The following HDAC9 variants were observed in gnomAD, a reference collection of about 807,000 sequenced individuals.
HDAC9 encodes the protein MEF-2 interacting transcription repressor (MITR) protein.
Under a neutral mutation model 139.4 loss-of-function variants are expected in HDAC9, and 41 were observed. The ratio of observed to expected loss-of-function variants is 0.29; its 90% CI spans 0.23 to 0.38. The LOEUF (loss-of-function observed/expected upper bound fraction) is 0.38. HDAC9 is among the 10% of genes least tolerant of loss of function. The pLI is 1.00. For synonymous variants in HDAC9, 517 were observed against 476.2 expected (o/e 1.09, Z -1.12); for missense variants, 1,147 against 1,297.0 (o/e 0.88, Z 1.78).
At chr7:18,807,793 G>C (rs769023177) in intron 17 of HDAC9, among the ~76,000 whole-genome samples, 8 of 152,094 alleles carry the variant, frequency 5.3e-5, no homozygotes, top group Non-Finnish European at 8.8e-5. Flanking sequence ...AAGATACTTG[G>C]TGTGATTTCA....
At chr7:18,792,597 T>G (rs1792420875) in intron 16 of HDAC9, among the ~76,000 whole-genome samples, 1 of 152,216 alleles carries the variant, frequency 6.6e-6, no homozygotes, top group African/African-American at 2.4e-5. Context: ...ATGCTTTGTT[T>G]TGATAATAAT....
intron 11 of HDAC9, among the ~76,000 whole-genome samples, chr7:18,665,289 A>G (rs1794520437): frequency 6.6e-6 from 1 of 152,148 alleles, no homozygotes; most frequent in South Asian, 2.1e-4. Context: ...ACACAGTTCA[A>G]GGTCTGCAGA....
At chr7:18,462,988 G>C (rs1301019898) in intron 1 of HDAC9, among the ~76,000 whole-genome samples, 1 of 151,984 alleles carries the variant, frequency 6.6e-6, no homozygotes, top group Non-Finnish European at 1.5e-5. Flanking sequence ...GGTACTGTAT[G>C]AGAGTGCTGG....
intron 1 of HDAC9, among the ~76,000 whole-genome samples, chr7:18,313,429 A>G (rs143395311): frequency 4.2e-4 from 64 of 152,314 alleles, no homozygotes; most frequent in African/African-American, 1.4e-3. Context: ...TTTTCCTGTC[A>G]GGAGATTTAT....
At chr7:18,538,396 A>G (rs769186488) in intron 2 of HDAC9, among the ~76,000 whole-genome samples, 1 of 152,238 alleles carries the variant, frequency 6.6e-6, no homozygotes, top group Non-Finnish European at 1.5e-5. Flanking sequence ...AGAAACCGTG[A>G]CAGGAATTTA....
chr7:18,732,896 C>CACGTGTGCGTATGTGTAT lies in HDAC9; in HGVS notation c.1909+5141_1909+5142insGTGTGCGTATGTGTATAC, dbSNP rs1562893408. Among the ~76,000 whole-genome samples the CACGTGTGCGTATGTGTAT allele has an allele frequency of 2.6e-3, 228 of 87,398 alleles. 23 individuals are homozygous for CACGTGTGCGTATGTGTAT. Among genetic ancestry groups the CACGTGTGCGTATGTGTAT allele is most frequent in the East Asian group, 4.8e-3 (9 of 1,878 alleles). 57.3% of individuals were successfully genotyped at this position (87,398 alleles called of 152,430 possible). On this transcript the variant is annotated intron_variant, in intron 13 of 25. Coordinates refer to ENST00000686413, the MANE Select transcript of HDAC9 (RefSeq NM_178425.4). ...ACACACACGTGTGCGTATGTGTACA[C>CACGTGTGCGTATGTGTAT]ACACACGTGTGCGTATGTGTATACA... is the stretch of plus-strand genomic sequence containing the variant.
intron 1 of HDAC9, among the ~76,000 whole-genome samples, chr7:18,130,226 C>T (rs1256968773): frequency 1.3e-5 from 2 of 152,076 alleles, no homozygotes; most frequent in Non-Finnish European, 2.9e-5. Context: ...GTGCTCAAAA[C>T]GTTTCAGATT....
intron 2 of HDAC9, among the ~76,000 whole-genome samples, chr7:18,223,496 G>A (rs1014298129): frequency 4.0e-5 from 6 of 151,676 alleles, no homozygotes; most frequent in African/African-American, 1.5e-4. Flanking sequence ...TTTATAGATG[G>A]TGGGTAATCA....
chr7:18,852,808 A>G (rs1314618529), intron 21 of HDAC9, among the ~76,000 whole-genome samples: 1 of 152,084 alleles, frequency 6.6e-6, no homozygotes, highest in African/African-American at 2.4e-5. Context: ...TACATTTTTC[A>G]TCTGAGGGCA....
intron 21 of HDAC9, among the ~76,000 whole-genome samples, chr7:18,873,958 C>G (rs1034839572): frequency 1.3e-5 from 2 of 151,670 alleles, no homozygotes; most frequent in African/African-American, 4.8e-5. Flanking sequence ...TTGTGTTTCT[C>G]CTTTGCAAGA....
At chr7:18,246,507 C>T (rs570093644) in intron 2 of HDAC9, among the ~76,000 whole-genome samples, 35 of 152,062 alleles carry the variant, frequency 2.3e-4, no homozygotes, top group African/African-American at 8.0e-4. Context: ...TAAATAGTCA[C>T]CCCCCCATTC....
chr7:18,824,134 C>T (rs530478285), intron 17 of HDAC9, among the ~76,000 whole-genome samples: 183 of 145,590 alleles, frequency 1.3e-3, no homozygotes, highest in Non-Finnish European at 2.4e-3. Flanking sequence ...CACCAGAGCC[C>T]GCTTTGTGAG....
chr7:18,993,646 T>C (rs1298983925), intron 25 of HDAC9, among the ~76,000 whole-genome samples: 1 of 151,910 alleles, frequency 6.6e-6, no homozygotes, highest in African/African-American at 2.4e-5. Context: ...TAATTATTTT[T>C]TTTTTAATTA....
chr7:18,577,481 G>A (rs1444008490), intron 2 of HDAC9, among the ~76,000 whole-genome samples: 1 of 152,066 alleles, frequency 6.6e-6, no homozygotes, highest in Non-Finnish European at 1.5e-5. Flanking sequence ...AAATTTCTCT[G>A]TAACAAATAA....
intron 1 of HDAC9, among the ~76,000 whole-genome samples, chr7:18,109,323 G>A (rs1783448303): frequency 6.6e-6 from 1 of 152,196 alleles, no homozygotes; most frequent in South Asian, 2.1e-4. Flanking sequence ...TATCTTGTAA[G>A]GATAAATGAG....
upstream of HDAC9, among the ~76,000 whole-genome samples, chr7:18,285,595 G>A (rs1424381951): frequency 1.3e-5 from 2 of 151,898 alleles, no homozygotes; most frequent in Non-Finnish European, 2.9e-5. Flanking sequence ...TACCAGCAGT[G>A]TTTTTCACAT....
At chr7:18,663,084 G>C (rs1793715339) in intron 11 of HDAC9, among the ~76,000 whole-genome samples, 1 of 152,096 alleles carries the variant, frequency 6.6e-6, no homozygotes, top group Non-Finnish European at 1.5e-5. Context: ...ACAATATGTA[G>C]TGAGAATGTG....
chr7:18,683,609 T>C (rs73313346), intron 12 of HDAC9, among the ~76,000 whole-genome samples: 6,239 of 152,220 alleles, frequency 0.041, 256 homozygotes, highest in African/African-American at 0.11. Context: ...ATAATTGTAA[T>C]AGTTTATTTT....
intron 2 of HDAC9, among the ~76,000 whole-genome samples, chr7:18,197,557 A>T (rs28625437): frequency 7.6e-4 from 115 of 152,060 alleles, no homozygotes; most frequent in African/African-American, 2.6e-3. Context: ...GACAGAACAG[A>T]GTTCACAGGT....
Sources: gnomAD v4.1 joint callset for allele counts (sites outside exome capture counted in the v4.1 genomes callset) on GRCh38, gnomAD v4.1.1 for gene constraint, MANE v1.5 for transcripts, NCBI Gene and HGNC (gene_info 2026-07-23, HGNC 2026-07-21) for gene names.